The following ITGBL1 variants were observed in gnomAD, a reference collection of about 807,000 sequenced individuals.
ITGBL1 encodes integrin subunit beta like 1, also known as integrin beta-like protein 1.
Under a neutral mutation model 68.5 loss-of-function variants are expected in ITGBL1, and 51 were observed. That is an observed-to-expected ratio of 0.74 (90% CI 0.59 to 0.94). ITGBL1 has a LOEUF of 0.94. Ranked by LOEUF, ITGBL1 falls within the 40% of genes least tolerant of loss-of-function variation. The pLI, the probability that ITGBL1 is intolerant of heterozygous loss-of-function variation, is 0.00. For synonymous variants in ITGBL1, 209 were observed against 227.3 expected, an observed-to-expected ratio of 0.92 and a Z score of 0.72; for missense variants, 649 against 647.4, an observed-to-expected ratio of 1.00 and a Z score of -0.03.
At chr13:101,456,336 G>A (rs575339072) in intron 2 of ITGBL1, among the ~76,000 whole-genome samples, 9 of 152,174 alleles carry the variant, frequency 5.9e-5, no homozygotes, top group African/African-American at 1.9e-4. Context: ...GGGCCCATGC[G>A]GAGATCCCTA....
At chr13:101,625,286 T>C (rs577501625) in intron 7 of ITGBL1, among the ~76,000 whole-genome samples, 1 of 152,320 alleles carries the variant, frequency 6.6e-6, no homozygotes, top group African/African-American at 2.4e-5. Flanking sequence ...AACTTCTTAG[T>C]TATAAATGGG....
At chr13:101,695,179 A>G (rs1218478879) in intron 8 of ITGBL1, among the ~76,000 whole-genome samples, 1 of 152,224 alleles carries the variant, frequency 6.6e-6, no homozygotes, top group African/African-American at 2.4e-5. Flanking sequence ...CTGGATAACA[A>G]CTATGTAATG....
intron 2 of ITGBL1, among the ~76,000 whole-genome samples, chr13:101,564,540 A>T (rs1018047553): frequency 7.3e-5 from 11 of 150,720 alleles, no homozygotes; most frequent in Non-Finnish European, 8.9e-5. Context: ...ATCCGTACAT[A>T]TATGTATATA....
At chr13:101,470,486 T>C (rs1346156584) in intron 2 of ITGBL1, among the ~76,000 whole-genome samples, 1 of 152,150 alleles carries the variant, frequency 6.6e-6, no homozygotes, top group African/African-American at 2.4e-5. Flanking sequence ...TGTTTGTCTT[T>C]AATTCCCCAA....
In ITGBL1 at chr13:101,475,021, T is replaced by G. The variant is rs188737073; in HGVS notation, c.316+20921T>G. On this transcript the variant is annotated intron_variant, in intron 2 of 10. Transcript: ENST00000376180. ...CAACAATAAATACCTAACTCTTTAATGCTTAGACATCAGTGAATATCCACA... is the reference window on the plus strand; with the variant it reads ...CAACAATAAATACCTAACTCTTTAAGGCTTAGACATCAGTGAATATCCACA... Among the ~76,000 whole-genome samples the G allele has an allele frequency of 2.1e-3, 315 of 152,310 alleles. 11 individuals carry two copies. The highest frequency in any genetic ancestry group is 0.02 in the Admixed American group (310 of 15,300).
At chr13:101,587,361 G>A (rs1205335205) in intron 6 of ITGBL1, among the ~76,000 whole-genome samples, 1 of 151,948 alleles carries the variant, frequency 6.6e-6, no homozygotes, top group Non-Finnish European at 1.5e-5. Flanking sequence ...ATGTTCATTT[G>A]CCCATACACC....
chr13:101,608,839 C>T (rs914080908), intron 7 of ITGBL1, among the ~76,000 whole-genome samples: 4 of 152,018 alleles, frequency 2.6e-5, no homozygotes, highest in Non-Finnish European at 5.9e-5. Flanking sequence ...ATAAATGACC[C>T]TGCAAAATTA....
chr13:101,710,312 C>T lies in ITGBL1; in HGVS notation c.1279+3410C>T, dbSNP rs145859125. On this transcript the variant is annotated intron_variant, in intron 9 of 10. Coordinates refer to ENST00000376180, the MANE Select transcript of ITGBL1 (RefSeq NM_004791.3). ...GCTGATCGTGATCTCCCTTCTTTTCCCCTTTTATGGAGACATCAATGCTGG... is the reference window on the plus strand; with the variant it reads ...GCTGATCGTGATCTCCCTTCTTTTCTCCTTTTATGGAGACATCAATGCTGG... Among the ~76,000 whole-genome samples the T allele has an allele frequency of 1.4e-3, 207 of 152,266 alleles. 1 individual carries two copies. The Middle Eastern group carries it at 0.017, about 13-fold the overall frequency.
chr13:101,695,472 C>T (rs2033980837), intron 8 of ITGBL1, among the ~76,000 whole-genome samples: 1 of 152,160 alleles, frequency 6.6e-6, no homozygotes, highest in African/African-American at 2.4e-5. Flanking sequence ...GACAGGAAAC[C>T]AAAGGAAGGG....
intron 2 of ITGBL1, among the ~76,000 whole-genome samples, chr13:101,503,314 T>C (rs187369653): frequency 8.5e-4 from 129 of 152,256 alleles, no homozygotes; most frequent in Non-Finnish European, 1.4e-3. Context: ...GAGGCTCTCA[T>C]TGGCATGACC....
chr13:101,522,145 A>G (rs924856508), intron 2 of ITGBL1, among the ~76,000 whole-genome samples: 1 of 152,128 alleles, frequency 6.6e-6, no homozygotes, highest in African/African-American at 2.4e-5. Context: ...TTATGATGTC[A>G]TTTAACTTTA....
intron 2 of ITGBL1, among the ~76,000 whole-genome samples, chr13:101,457,690 C>T (rs2139614963): frequency 6.6e-6 from 1 of 152,182 alleles, no homozygotes; most frequent in Middle Eastern, 3.4e-3. Flanking sequence ...TGGTGTGCGC[C>T]TTGTAGTCCC....
rs187126201 is a variant in ITGBL1, at chr13:101,531,169, A to G, written c.317-36530A>G. 1.5e-3 allele frequency among the ~76,000 whole-genome samples: 221 copies of G among 152,320 alleles called. 1 individual carries two copies. The highest frequency in any genetic ancestry group is 4.7e-3 in the African/African-American group (195 of 41,578). On this transcript the variant is annotated intron_variant, in intron 2 of 10. Transcript: ENST00000376180. ...AGTTGTAACTGTTGATTTTAAAAAA[A>G]CGTATACTAGTTGGTTCTAATCAGA...
At chr13:101,693,512 G>C (rs897797782) in intron 8 of ITGBL1, among the ~76,000 whole-genome samples, 1 of 152,064 alleles carries the variant, frequency 6.6e-6, no homozygotes. Flanking sequence ...TGTCTTATTG[G>C]AGGGTGGAGG....
chr13:101,494,018 T>C (rs1476932576), intron 2 of ITGBL1, among the ~76,000 whole-genome samples: 1 of 152,216 alleles, frequency 6.6e-6, no homozygotes, highest in Non-Finnish European at 1.5e-5. Context: ...TTTATCAGAA[T>C]ACTCCACTAT....
At chr13:101,656,938 ATTTTTTTTTCTTTTTTTCTT>A (rs1020109549) in intron 7 of ITGBL1, among the ~76,000 whole-genome samples, 1 of 140,460 alleles carries the variant, frequency 7.1e-6, no homozygotes, top group African/African-American at 2.7e-5. Context: ...TATTGCTTCT[ATTTTTTTTTCTTTTTTTCTT>A]TTTTTTTTTA....
At chr13:101,548,739 A>T (rs1171415855) in intron 2 of ITGBL1, among the ~76,000 whole-genome samples, 1 of 151,784 alleles carries the variant, frequency 6.6e-6, no homozygotes, top group East Asian at 1.9e-4. Flanking sequence ...TATCTGAAAC[A>T]AAAGGATTAT....
intron 2 of ITGBL1, among the ~76,000 whole-genome samples, chr13:101,505,243 G>C (rs934163224): frequency 3.9e-5 from 6 of 152,140 alleles, no homozygotes; most frequent in African/African-American, 1.4e-4. Flanking sequence ...CTTGTCATTT[G>C]GCTTTGACAA....
At chr13:101,520,948 G>T (rs1045096038) in intron 2 of ITGBL1, among the ~76,000 whole-genome samples, 3 of 152,180 alleles carry the variant, frequency 2.0e-5, no homozygotes, top group African/African-American at 7.2e-5. Flanking sequence ...ACATCCTTTA[G>T]AAGGCTTGAA....
Sources: allele counts gnomAD v4.1 joint callset (sites outside exome capture counted in the v4.1 genomes callset), GRCh38; gene constraint gnomAD v4.1.1; transcripts MANE v1.5; gene names NCBI Gene and HGNC (gene_info 2026-07-23, HGNC 2026-07-21).